The following ABCB10 variants were observed in gnomAD, a reference collection of about 807,000 sequenced individuals.
ABCB10 encodes the protein ATP-binding cassette sub-family B member 10, mitochondrial.
A neutral mutation model predicts 65.4 loss-of-function variants in ABCB10; 54 were observed. The ratio of observed to expected loss-of-function variants is 0.83; its 90% confidence interval spans 0.66 to 1.04. The LOEUF (loss-of-function observed/expected upper bound fraction) is 1.04. ABCB10 is among the 50% of genes least tolerant of loss of function. The pLI is 0.00. For synonymous variants in ABCB10, 418 were observed against 406.5 expected (o/e 1.03, Z -0.34); for missense variants, 846 against 976.6 (o/e 0.87, Z 1.78).
In ABCB10 at chr1:229,558,172, G is replaced by A. The variant is rs1392711359; in HGVS notation, c.481C>T (p.Leu161=). 6 of 1,436,038 alleles carry A rather than the reference G, an allele frequency of 4.2e-6. No individual in the cohort carries two copies. The highest frequency in any genetic ancestry group is 1.5e-5 in the African/African-American group (1 of 67,500). The allele number at this position is 1,436,038 out of a possible 1,614,324, so 89.0% of individuals were successfully genotyped here. The part of the protein sequence containing the change: ...AAGLPEARKL[L]GLAYPERRRL... ...CGGCGCTCAGGGTACGCCAGCCCCA[G>A]GAGCTTCCGGGCCTCCGGGAGTCCG... The change falls in exon 1 of 13, where the codon CTG becomes TTG. Residue 161 remains leucine, a synonymous_variant. Transcript: ENST00000344517.
In ABCB10 at chr1:229,516,844, C is replaced by A. The variant is rs1662187214; in HGVS notation, c.*1335G>T. The A allele has an allele frequency of 6.6e-6, 1 of 152,262 alleles. No individual in the cohort carries two copies. The highest frequency in any genetic ancestry group is 3.4e-3 in the Middle Eastern group (1 of 294). The allele number at this position is 152,262 out of a possible 1,614,324, so 9.4% of individuals were successfully genotyped here. A position where few individuals can be genotyped will look rare whatever the true frequency, so the allele number is the denominator to read the frequency against. Reference sequence around the variant, plus strand: ...TTACTAATTCAAAGAACACTATATTCATTCATATCAATTTTATTCATTAAT... The same window carrying A: ...TTACTAATTCAAAGAACACTATATTAATTCATATCAATTTTATTCATTAAT... On this transcript the variant is annotated 3_prime_UTR_variant, in exon 13 of 13. Transcript: ENST00000344517.
intron 6 of ABCB10, 190 bp from the exon 7 acceptor site, chr1:229,531,921 T>C (rs897715890): frequency 1.6e-5 from 7 of 424,900 alleles, no homozygotes; most frequent in African/African-American, 1.5e-4. Context: ...TAGTTTTCCT[T>C]TGGCTTCTCC....
At chr1:229,524,886 T>A (rs1662398724) in intron 10 of ABCB10, among the ~76,000 whole-genome samples, 1 of 151,954 alleles carries the variant, frequency 6.6e-6, no homozygotes, top group South Asian at 2.1e-4. Flanking sequence ...CAGAGTCTCA[T>A]TCTGTCTCCC....
At chr1:229,521,136 C>T (rs572718643) in intron 11 of ABCB10, among the ~76,000 whole-genome samples, 1 of 152,030 alleles carries the variant, frequency 6.6e-6, no homozygotes, top group Admixed American at 6.6e-5. Flanking sequence ...CTATTGCTTC[C>T]TTAAAAAGAG....
At chr1:229,530,823 T>C (rs990953533) in intron 7 of ABCB10, among the ~76,000 whole-genome samples, 1 of 151,020 alleles carries the variant, frequency 6.6e-6, no homozygotes, top group African/African-American at 2.5e-5. Context: ...GAGTTTATCT[T>C]ACCTACCCGG....
chr1:229,522,326 C>G (rs903781640), intron 10 of ABCB10, among the ~76,000 whole-genome samples: 5 of 152,090 alleles, frequency 3.3e-5, no homozygotes, highest in African/African-American at 1.2e-4. Context: ...CCTGCCTCAG[C>G]CTCCTGAGTA....
rs59264291 is a variant in ABCB10 at position 229,529,295 on chromosome 1, CAAAAAAAAAAAAAA to C, written c.1645+890_1645+903del. On this transcript the variant is annotated intron_variant, in intron 8 of 12. Transcript: ENST00000344517. ...TGGGCAACAGAGCAAGACTCCGTCTCAAAAAAAAAAAAAAAAAAAAAAAAAAAAAAAAAAGAAAA... is the reference window on the plus strand; with the variant it reads ...TGGGCAACAGAGCAAGACTCCGTCTCAAAAAAAAAAAAAAAAAAAAGAAAA... Among the ~76,000 whole-genome samples the C allele has an allele frequency of 1.6e-3, 38 of 23,126 alleles. 1 individual carries two copies. Among genetic ancestry groups the C allele is most frequent in the Admixed American group, 4.5e-3 (5 of 1,122 alleles). The allele number at this position is 23,126 out of a possible 152,430, so 15.2% of individuals were successfully genotyped here. A position where few individuals can be genotyped will look rare whatever the true frequency, so the allele number is the denominator to read the frequency against.
chr1:229,518,456 C>A, intron 12 of ABCB10, 46 bp from the exon 13 acceptor site: 1 of 1,502,388 alleles, frequency 6.7e-7, no homozygotes. Context: ...GTCAGTGACA[C>A]CCATGTGCTT....
In ABCB10 at chr1:229,543,523, A is replaced by C. The variant is rs575887400; in HGVS notation, c.922-1152T>G. Among the ~76,000 whole-genome samples, 7 of 152,296 alleles carry C rather than the reference A, an allele frequency of 4.6e-5. No individual in the cohort carries two copies. The South Asian group carries it at 1.5e-3, about 32-fold the overall frequency. Reference sequence around the variant, plus strand: ...AAGTGGATGGATCAACCAATCATTCACTCATTCATTTACTCATTCAACAAG... The same window carrying C: ...AAGTGGATGGATCAACCAATCATTCCCTCATTCATTTACTCATTCAACAAG... On this transcript the variant is annotated intron_variant, in intron 3 of 12. Transcript: ENST00000344517.
chr1:229,525,426 C>T (rs1171514024), intron 10 of ABCB10, among the ~76,000 whole-genome samples: 1 of 152,070 alleles, frequency 6.6e-6, no homozygotes, highest in Admixed American at 6.6e-5. Context: ...TTTTGGAACA[C>T]ATATGGGGTA....
chr1:229,551,067 C>T (rs771999851), intron 1 of ABCB10, among the ~76,000 whole-genome samples: 9 of 152,192 alleles, frequency 5.9e-5, no homozygotes, highest in Non-Finnish European at 1.3e-4. Flanking sequence ...GCATGAGCCA[C>T]TGCACCCAGC....
In ABCB10 at chr1:229,530,188, G is replaced by A; in HGVS notation, c.1645+11C>T. 2 of 1,613,230 alleles carry A rather than the reference G, an allele frequency of 1.2e-6. No homozygotes were observed. Among genetic ancestry groups the A allele is most frequent in the Non-Finnish European group, 1.7e-6 (2 of 1,179,672 alleles). On this transcript the variant is annotated intron_variant, in intron 8 of 12. Transcript: ENST00000344517. ...GAGTCCCTCGGTGCTACAGTGTGGT[G>A]AACTGCTTACCAGAAGCAGGGTCGT...
chr1:229,520,039 C>T (rs1662267098), intron 11 of ABCB10, among the ~76,000 whole-genome samples: 1 of 147,448 alleles, frequency 6.8e-6, no homozygotes, highest in Middle Eastern at 3.6e-3. Flanking sequence ...GAGGCTGAGA[C>T]AGGTAGATTA....
chr1:229,520,658 G>A (rs920532467), intron 11 of ABCB10, among the ~76,000 whole-genome samples: 6 of 152,064 alleles, frequency 3.9e-5, no homozygotes, highest in East Asian at 3.8e-4. Context: ...TGACCCAAGC[G>A]TTTATCAGCT....
chr1:229,550,525 C>CAAAAAAAAAAAAAAAAAAAAAAAAAAAAA (rs60323914), intron 1 of ABCB10, among the ~76,000 whole-genome samples: 1 of 63,546 alleles, frequency 1.6e-5, no homozygotes, highest in African/African-American at 7.5e-5. Flanking sequence ...ATGCTGTCTC[C>CAAAAAAAAAAAAAAAAAAAAAAAAAAAAA]AAAAAAAAAA....
Position 229,558,307 on chromosome 1 carries a change from C to G in ABCB10, c.346G>C (p.Ala116Pro), listed in dbSNP as rs1035283072. The G allele has an allele frequency of 8.1e-7, 1 of 1,233,658 alleles. No individual in the cohort carries two copies. The highest frequency in any genetic ancestry group is 1.0e-6 in the Non-Finnish European group (1 of 986,824). 76.4% of individuals were successfully genotyped at this position (1,233,658 alleles called of 1,614,324 possible). A position where few individuals can be genotyped will look rare whatever the true frequency, so the allele number is the denominator to read the frequency against. Reference protein sequence around the residue: ...AGPGAPRLPRARFPGGPAAAA... With the variant: ...AGPGAPRLPRPRFPGGPAAAA... ...GCTGCGGGACCGCCCGGGAACCGGG[C>G]GCGCGGGAGCCGAGGAGCGCCTGGC... Residue 116 changes from alanine to proline, a missense_variant, in exon 1 of 13, where the codon GCC becomes CCC. This residue lies in a region of ABCB10 where 632 missense variants were observed against 803.2 expected (regional missense o/e 0.79). Coordinates refer to ENST00000344517, the MANE Select transcript of ABCB10 (RefSeq NM_012089.3).
intron 5 of ABCB10, 63 bp from the exon 6 acceptor site, chr1:229,539,654 G>C (rs1171050416): frequency 6.4e-7 from 1 of 1,568,950 alleles, no homozygotes; most frequent in African/African-American, 1.4e-5. Flanking sequence ...TGAAAAGCAT[G>C]AACACGGCCT....
intron 10 of ABCB10, 37 bp from the exon 11 acceptor site, chr1:229,521,672 C>CA (rs1166060393): frequency 6.2e-7 from 1 of 1,607,038 alleles, no homozygotes; most frequent in African/African-American, 1.3e-5. Context: ...AAGGCCTCAA[C>CA]AAAAAATCTT....
In ABCB10 at chr1:229,542,467, CTGTGTG is replaced by C. The variant is rs138177567; in HGVS notation, c.922-102_922-97del. On this transcript the variant is annotated intron_variant, in intron 3 of 12. Coordinates refer to ENST00000344517, the MANE Select transcript of ABCB10 (RefSeq NM_012089.3). ...AAGGGGAGTGTGTGTGTGGGTGTGTCTGTGTGTGTGTGTGTTTAAATTAACAGCAGG... is the reference window on the plus strand; with the variant it reads ...AAGGGGAGTGTGTGTGTGGGTGTGTCTGTGTGTGTTTAAATTAACAGCAGG... 6 of 1,399,100 alleles carry C rather than the reference CTGTGTG, an allele frequency of 4.3e-6. No homozygotes were observed. In the African/African-American group the frequency reaches 5.8e-5, roughly 14 times the overall value. The allele number at this position is 1,399,100 out of a possible 1,614,324, so 86.7% of individuals were successfully genotyped here. A position where few individuals can be genotyped will look rare whatever the true frequency, so the allele number is the denominator to read the frequency against.
Sources: gnomAD v4.1 joint callset for allele counts (sites outside exome capture counted in the v4.1 genomes callset) on GRCh38, gnomAD v4.1.1 for gene constraint, gnomAD v4.1.1 regional missense constraint, MANE v1.5 for transcripts, NCBI Gene and HGNC (gene_info 2026-07-23, HGNC 2026-07-21) for gene names.